RASSF5: variants seen among roughly 807,000 people sequenced by gnomAD.
RASSF5 encodes the protein ras association domain-containing protein 5.
Under a neutral mutation model 40.5 loss-of-function variants are expected in RASSF5, and 25 were observed. The observed-to-expected ratio is 0.62, with a 90% CI of 0.45 to 0.86. The LOEUF (loss-of-function observed/expected upper bound fraction) is 0.86, where lower values mean the gene tolerates loss of function less well. RASSF5 is among the 40% of genes least tolerant of loss of function. The pLI, the probability that RASSF5 is intolerant of heterozygous loss-of-function variation, is 0.00. For synonymous variants in RASSF5, 246 were observed against 252.4 expected, an observed-to-expected ratio of 0.97 and a Z score of 0.24; for missense variants, 521 against 572.8, an observed-to-expected ratio of 0.91 and a Z score of 0.92.
At chr1:206,538,364 C>T in intron 2 of RASSF5, 71 bp downstream of exon 2, 1 of 1,595,064 alleles carries the variant, frequency 6.3e-7, no homozygotes, top group Non-Finnish European at 8.6e-7. Context: ...CTTTCTCTCC[C>T]AGGAGCTCTG....
In RASSF5 at chr1:206,560,137, G is replaced by T. The variant is rs1668097546; in HGVS notation, c.579+21844G>T. Among the ~76,000 whole-genome samples the T allele has an allele frequency of 6.6e-6, 1 of 152,214 alleles. No homozygotes were observed. Among genetic ancestry groups the T allele is most frequent in the Admixed American group, 6.5e-5 (1 of 15,278 alleles). ...CTTTTTCCTGTCTCCAAGGAAAGGA[G>T]TTGATGTGTTTCCCGGTCGTCGAGA... On this transcript the variant is annotated intron_variant, in intron 2 of 5. Transcript: ENST00000579436. This position sits in a 1 kb window ranked among gnomAD's most constrained non-coding sequence, Gnocchi z 5.1.
chr1:206,566,193 C>G (rs1668285313), intron 2 of RASSF5, among the ~76,000 whole-genome samples: 1 of 152,190 alleles, frequency 6.6e-6, no homozygotes, highest in South Asian at 2.1e-4. Flanking sequence ...AGCCCCCATG[C>G]TTGTCCAGCT....
At position 206,535,719 on chromosome 1, in the gene RASSF5, T is replaced by TGTGTG. The variant is rs1667371788; in HGVS notation, c.458-2452_458-2448dup. ...TGTGTGTGTCTGTGTGTGTGTGGTG[T>TGTGTG]GTGTGTGTGTGTGTGTGTGTGTGTG... On this transcript the variant is annotated intron_variant, in intron 1 of 5. Transcript: ENST00000579436. This position sits in a 1 kb window ranked among gnomAD's most constrained non-coding sequence, Gnocchi z 5.0. Among the ~76,000 whole-genome samples the TGTGTG allele has an allele frequency of 1.0e-5, 1 of 98,272 alleles. No homozygotes were observed. The highest frequency in any genetic ancestry group is 2.1e-5 in the Non-Finnish European group (1 of 47,324). The allele number at this position is 98,272 out of a possible 152,430, so 64.5% of individuals were successfully genotyped here. A position where few individuals can be genotyped will look rare whatever the true frequency, so the allele number is the denominator to read the frequency against.
chr1:206,557,344 G>A (rs1423320647), intron 2 of RASSF5: 8 of 1,293,466 alleles, frequency 6.2e-6, no homozygotes, highest in Non-Finnish European at 5.9e-6. Context: ...AGGCGGCGCG[G>A]GGACAGGAGC....
rs1666479448 is a variant in RASSF5, at chr1:206,507,540, C to T, written c.-63C>T. On this transcript the variant is annotated 5_prime_UTR_variant, in exon 1 of 6. Coordinates refer to ENST00000579436, the MANE Select transcript of RASSF5 (RefSeq NM_182663.4). ...TGTGGGGCGGCCCCTTCTCTCGGGG[C>T]TGGCTCGGGAGTAGCGCAGTCGCCA... 3 of 1,298,622 alleles carry T rather than the reference C, an allele frequency of 2.3e-6. No individual in the cohort carries two copies. Among genetic ancestry groups the T allele is most frequent in the African/African-American group, 3.1e-5 (2 of 63,700 alleles). 80.4% of individuals were successfully genotyped at this position (1,298,622 alleles called of 1,614,324 possible).
chr1:206,586,771 T>G, intron 5 of RASSF5, 55 bp from the exon 6 acceptor site: 1 of 1,453,124 alleles, frequency 6.9e-7, no homozygotes. Flanking sequence ...TCGTGTCAAC[T>G]TCTAACCTGT....
chr1:206,568,346 C>T (rs1452809752), intron 2 of RASSF5, among the ~76,000 whole-genome samples: 3 of 152,208 alleles, frequency 2.0e-5, no homozygotes, highest in African/African-American at 4.8e-5. Context: ...GGAGAGGACT[C>T]GTGTGGGCTG....
intron 2 of RASSF5, among the ~76,000 whole-genome samples, chr1:206,549,307 G>T (rs1667776656): frequency 6.6e-6 from 1 of 152,118 alleles, no homozygotes; most frequent in African/African-American, 2.4e-5. Flanking sequence ...GTGGTTTGAT[G>T]TGGATCTTTT....
Position 206,507,559 on chromosome 1 carries a change from G to C in RASSF5, c.-44G>C, listed in dbSNP as rs1057481382. ...TCGGGGCTGGCTCGGGAGTAGCGCA[G>C]TCGCCAAAGCCGCCGCTGCCAAAGC... On this transcript the variant is annotated 5_prime_UTR_variant, in exon 1 of 6. Coordinates refer to ENST00000579436, the MANE Select transcript of RASSF5 (RefSeq NM_182663.4). The C allele has an allele frequency of 7.0e-7, 1 of 1,423,448 alleles. No individual in the cohort carries two copies. Among genetic ancestry groups the C allele is most frequent in the Non-Finnish European group, 9.2e-7 (1 of 1,087,454 alleles). 88.2% of individuals were successfully genotyped at this position (1,423,448 alleles called of 1,614,324 possible).
chr1:206,518,349 G>A (rs991604089), intron 1 of RASSF5: 22 of 384,140 alleles, frequency 5.7e-5, no homozygotes, highest in South Asian at 2.7e-4. Flanking sequence ...CACCCCTGAC[G>A]CCAAGCCTGG....
Position 206,587,260 on chromosome 1 carries a change from CAAATAGTT to C in RASSF5, c.*283_*290del. The C allele has an allele frequency of 5.0e-6, 2 of 400,220 alleles. No individual in the cohort carries two copies. The highest frequency in any genetic ancestry group is 2.2e-5 in the South Asian group (1 of 45,564). 24.8% of individuals were successfully genotyped at this position (400,220 alleles called of 1,614,324 possible). On this transcript the variant is annotated 3_prime_UTR_variant, in exon 6 of 6. Coordinates refer to ENST00000579436, the MANE Select transcript of RASSF5 (RefSeq NM_182663.4). ...CTCGATCTGCAAGCCTTTCACCAAC[CAAATAGTT>C]GCCTCTCTCGTCACCAAACTGGAAC...
chr1:206,584,816 T>C lies in RASSF5; in HGVS notation c.988+132T>C. ...AGCACCAGGGGTCCAGCTGCCCATGTGGTGTTCAGATCTGTGGAATCCGGG... is the reference window on the plus strand; with the variant it reads ...AGCACCAGGGGTCCAGCTGCCCATGCGGTGTTCAGATCTGTGGAATCCGGG... On this transcript the variant is annotated intron_variant, in intron 4 of 5. Transcript: ENST00000579436. This position sits in a 1 kb window ranked among gnomAD's most constrained non-coding sequence, Gnocchi z 4.9. 1 of 947,460 alleles carries C rather than the reference T, an allele frequency of 1.1e-6. No individual in the cohort carries two copies. 58.7% of individuals were successfully genotyped at this position (947,460 alleles called of 1,614,324 possible).
chr1:206,576,591 C>T (rs962348620), intron 2 of RASSF5, among the ~76,000 whole-genome samples: 4 of 152,182 alleles, frequency 2.6e-5, no homozygotes, highest in African/African-American at 7.2e-5. Flanking sequence ...CAGGACAAAA[C>T]TGTGATTACC....
rs782703905 is a variant in RASSF5 at position 206,587,021 on chromosome 1, G to GT, written c.*44dup. 8.7e-6 allele frequency: 14 copies of GT among 1,609,328 alleles called. No individual in the cohort carries two copies. The highest frequency in any genetic ancestry group is 1.2e-5 in the Non-Finnish European group (14 of 1,177,446). ...CCTCCTGGTGCATTCAGATTTATTT[G>GT]TATTATTAATTATTATTTTGCAACA... On this transcript the variant is annotated 3_prime_UTR_variant, in exon 6 of 6. Coordinates refer to ENST00000579436, the MANE Select transcript of RASSF5 (RefSeq NM_182663.4).
intron 1 of RASSF5, among the ~76,000 whole-genome samples, chr1:206,510,985 A>G (rs1027830481): frequency 6.6e-6 from 1 of 152,202 alleles, no homozygotes; most frequent in Non-Finnish European, 1.5e-5. Context: ...TAAGGAAAGC[A>G]TTTTGGAAAA....
At position 206,513,623 on chromosome 1, in the gene RASSF5, G is replaced by A. The variant is rs1393239581; in HGVS notation, c.457+5564G>A. ...CTCTGTTCTGACTCTCCATGGCTGGGTGGGGAAGGGCTGGCGGCAGCTGGG... is the reference window on the plus strand; with the variant it reads ...CTCTGTTCTGACTCTCCATGGCTGGATGGGGAAGGGCTGGCGGCAGCTGGG... On this transcript the variant is annotated intron_variant, in intron 1 of 5. Coordinates refer to ENST00000579436, the MANE Select transcript of RASSF5 (RefSeq NM_182663.4). This position sits in a 1 kb window ranked among gnomAD's most constrained non-coding sequence, Gnocchi z 5.0. Among the ~76,000 whole-genome samples the A allele has an allele frequency of 6.6e-6, 1 of 152,240 alleles. No homozygotes were observed. The highest frequency in any genetic ancestry group is 1.5e-5 in the Non-Finnish European group (1 of 68,038).
rs539209558 is a variant in RASSF5, at chr1:206,579,549, C to G, written c.580-3720C>G. Among the ~76,000 whole-genome samples, 1 of 152,274 alleles carries G rather than the reference C, an allele frequency of 6.6e-6. No individual in the cohort carries two copies. Among genetic ancestry groups the G allele is most frequent in the South Asian group, 2.1e-4 (1 of 4,832 alleles). On this transcript the variant is annotated intron_variant, in intron 2 of 5. Transcript: ENST00000579436. The surrounding 1 kb of genome is among the most constrained non-coding windows in gnomAD (Gnocchi z 4.2). ...GGGGTGTTTGTGTGTTTCTTGGCAC[C>G]AAGTGTTAATTCAGCAGCTGGATGA...
chr1:206,528,715 G>A (rs373069214), intron 1 of RASSF5, among the ~76,000 whole-genome samples: 4 of 151,988 alleles, frequency 2.6e-5, no homozygotes, highest in African/African-American at 9.7e-5. Flanking sequence ...ACTGTGAACC[G>A]ACATTGTTCC....
chr1:206,572,211 T>C (rs1385369906), intron 2 of RASSF5, among the ~76,000 whole-genome samples: 9 of 152,188 alleles, frequency 5.9e-5, no homozygotes, highest in African/African-American at 2.2e-4. Context: ...TGTGTTTTCT[T>C]CAACGCATGA....
Sources: gnomAD v4.1 joint callset for allele counts (sites outside exome capture counted in the v4.1 genomes callset) on GRCh38, gnomAD v4.1.1 for gene constraint, Gnocchi (gnomAD v3.1) non-coding constraint, MANE v1.5 for transcripts, NCBI Gene and HGNC (gene_info 2026-07-23, HGNC 2026-07-21) for gene names.